ASIC2: variants seen among roughly 807,000 people sequenced by gnomAD.
ASIC2 encodes the protein acid sensing ion channel subunit 2, also known as acid-sensing ion channel 2.
Under a neutral mutation model 57.3 loss-of-function variants are expected in ASIC2, and 25 were observed. The ratio of observed to expected loss-of-function variants is 0.44; its 90% CI spans 0.32 to 0.61. ASIC2 has a LOEUF of 0.61. ASIC2 is among the 20% of genes least tolerant of loss of function. The pLI is 0.06. For missense variants in ASIC2, 641 were observed against 738.1 expected (o/e 0.87, Z 1.52); for synonymous variants, 319 against 307.5 (o/e 1.04, Z -0.39).
chr17:33,294,872 G>A (rs1267111696), upstream of ASIC2, among the ~76,000 whole-genome samples: 1 of 152,136 alleles, frequency 6.6e-6, no homozygotes, highest in Non-Finnish European at 1.5e-5. Flanking sequence ...GGCTTTGAGG[G>A]GAGGGTTCTG....
At chr17:34,140,704 G>A (rs1296085213) in intron 1 of ASIC2, among the ~76,000 whole-genome samples, 1 of 152,126 alleles carries the variant, frequency 6.6e-6, no homozygotes, top group African/African-American at 2.4e-5. Flanking sequence ...AATATTATCA[G>A]ACTGTAACCT....
At chr17:33,398,599 TG>T (rs1229544257) in intron 1 of ASIC2, among the ~76,000 whole-genome samples, 24 of 152,168 alleles carry the variant, frequency 1.6e-4, no homozygotes, top group African/African-American at 5.3e-4. Context: ...ATGATGATGA[TG>T]ATGATGGTGA....
At chr17:33,958,573 C>G (rs1175768150) in intron 1 of ASIC2, among the ~76,000 whole-genome samples, 2 of 152,172 alleles carry the variant, frequency 1.3e-5, no homozygotes, top group African/African-American at 4.8e-5. Context: ...CTCCTTTTAA[C>G]CATGGCTGGA....
chr17:33,117,271 C>A (rs1021712894), intron 1 of ASIC2, among the ~76,000 whole-genome samples: 3 of 151,994 alleles, frequency 2.0e-5, no homozygotes, highest in Admixed American at 1.3e-4. Context: ...CTCCTGGGGT[C>A]GAGCGATTCT....
intron 1 of ASIC2, among the ~76,000 whole-genome samples, chr17:34,105,616 CCTTGCTTGT>C (rs1911018564): frequency 6.6e-6 from 1 of 151,002 alleles, no homozygotes; most frequent in South Asian, 2.1e-4. Flanking sequence ...TAGCTTCATC[CCTTGCTTGT>C]TTGGATACTA....
chr17:33,858,416 T>C (rs1446458185), intron 1 of ASIC2, among the ~76,000 whole-genome samples: 1 of 152,232 alleles, frequency 6.6e-6, no homozygotes, highest in Non-Finnish European at 1.5e-5. Flanking sequence ...TGAAGGGCTC[T>C]GTGCTGCCAG....
intron 1 of ASIC2, among the ~76,000 whole-genome samples, chr17:33,594,345 C>A (rs540458699): frequency 6.6e-6 from 1 of 152,222 alleles, no homozygotes; most frequent in Non-Finnish European, 1.5e-5. Context: ...CTGGGGATGG[C>A]TGGATCAGGT....
chr17:33,099,572 TGGG>T (rs2092202587), intron 2 of ASIC2, among the ~76,000 whole-genome samples: 1 of 152,180 alleles, frequency 6.6e-6, no homozygotes, highest in Non-Finnish European at 1.5e-5. Flanking sequence ...TGTGTGGAGT[TGGG>T]GGTAGTCTCA....
At chr17:33,560,957 G>A (rs138201480) in intron 1 of ASIC2, among the ~76,000 whole-genome samples, 8 of 152,116 alleles carry the variant, frequency 5.3e-5, no homozygotes, top group South Asian at 4.2e-4. Flanking sequence ...ATACCACATC[G>A]CCTCCCTGGT....
chr17:34,128,355 G>A (rs1306513992), intron 1 of ASIC2, among the ~76,000 whole-genome samples: 1 of 152,020 alleles, frequency 6.6e-6, no homozygotes, highest in Non-Finnish European at 1.5e-5. Flanking sequence ...ACCTGGCAAA[G>A]CAGGTGAAGC....
At chr17:33,401,966 G>T (rs1910301297) in intron 1 of ASIC2, among the ~76,000 whole-genome samples, 1 of 152,204 alleles carries the variant, frequency 6.6e-6, no homozygotes, top group South Asian at 2.1e-4. Context: ...GATTGTGAAA[G>T]AATTGATTCT....
At chr17:34,109,375 A>G (rs1268996244) in intron 1 of ASIC2, among the ~76,000 whole-genome samples, 6 of 152,298 alleles carry the variant, frequency 3.9e-5, no homozygotes, top group African/African-American at 7.2e-5. Flanking sequence ...ATGATTTTTC[A>G]TATGTACAAA....
At chr17:33,369,773 C>A (rs569357211) in intron 1 of ASIC2, among the ~76,000 whole-genome samples, 1 of 152,154 alleles carries the variant, frequency 6.6e-6, no homozygotes, top group Admixed American at 6.6e-5. Context: ...AATATTCTTT[C>A]CATTAGAGCA....
intron 1 of ASIC2, among the ~76,000 whole-genome samples, chr17:33,249,764 G>T (rs1409834580): frequency 6.6e-6 from 1 of 152,200 alleles, no homozygotes; most frequent in East Asian, 1.9e-4. Context: ...TGCAGCGGTT[G>T]CATAAACCTT....
chr17:33,899,141 A>AAAT (rs1915177158), intron 1 of ASIC2, among the ~76,000 whole-genome samples: 2 of 151,278 alleles, frequency 1.3e-5, no homozygotes, highest in South Asian at 4.2e-4. Context: ...AAAAAAAAAA[A>AAAT]AAAGCTCTAA....
intron 1 of ASIC2, among the ~76,000 whole-genome samples, chr17:33,467,958 C>T (rs1912919645): frequency 1.3e-5 from 2 of 152,200 alleles, no homozygotes; most frequent in South Asian, 2.1e-4. Flanking sequence ...AAATATTTTA[C>T]AGCATTTGAC....
At chr17:33,015,217 A>G (rs1417092964) in intron 9 of ASIC2, among the ~76,000 whole-genome samples, 1 of 152,204 alleles carries the variant, frequency 6.6e-6, no homozygotes, top group Non-Finnish European at 1.5e-5. Context: ...ACCGTTTTCC[A>G]GGGCTGGAGG....
At chr17:34,090,034 C>T (rs1381940851) in intron 1 of ASIC2, among the ~76,000 whole-genome samples, 1 of 152,200 alleles carries the variant, frequency 6.6e-6, no homozygotes, top group African/African-American at 2.4e-5. Flanking sequence ...ATACAGATCA[C>T]ACCACAGTCT....
At chr17:33,213,704 C>T (rs1414573624) in intron 1 of ASIC2, among the ~76,000 whole-genome samples, 1 of 152,166 alleles carries the variant, frequency 6.6e-6, no homozygotes, top group Non-Finnish European at 1.5e-5. Flanking sequence ...CCTTCTTTCC[C>T]CCTTTCCCCT....
Sources: gnomAD v4.1 joint callset for allele counts (sites outside exome capture counted in the v4.1 genomes callset) on GRCh38, gnomAD v4.1.1 for gene constraint, MANE v1.5 for transcripts, NCBI Gene and HGNC (gene_info 2026-07-23, HGNC 2026-07-21) for gene names.